Variants in DNAH11 observed in about 807,000 individuals in gnomAD.
DNAH11 encodes the protein axonemal beta dynein heavy chain 11.
DNAH11 carries 442 observed loss-of-function variants against 526.0 expected under a neutral mutation model. The observed-to-expected ratio is 0.84, with a 90% CI of 0.78 to 0.91. DNAH11 has a LOEUF of 0.91. Among genes scored for constraint, DNAH11 ranks in the 40% least tolerant of loss-of-function variants. DNAH11 has a pLI of 0.00. For synonymous variants in DNAH11, 2,461 were observed against 1,935.9 expected (o/e 1.27, Z -7.12); for missense variants, 6,989 against 5,448.7 (o/e 1.28, Z -8.90).
rs768789429 is a variant in DNAH11, at chr7:21,617,629, C to T, written c.4106C>T (p.Ser1369Leu). Residue 1369 changes from serine (S) to leucine (L), a missense_variant, in exon 23 of 82, where the codon TCA becomes TTA. Physicochemically the swap from Ser to Leu is moderately radical, Grantham distance 145. Coordinates refer to ENST00000409508, the MANE Select transcript of DNAH11 (RefSeq NM_001277115.2). The stretch of plus-strand genomic sequence containing the variant: ...TCCACTTTTCTTTAGGAAATTTGGT[C>T]ACTCAACAAGGAAGTCCGCGTCTGG... Reference protein sequence around the residue: ...ELRRFAKEIWSLNKEVRVWDA... With the variant: ...ELRRFAKEIWLLNKEVRVWDA... The T allele has an allele frequency of 1.5e-5, 25 of 1,613,564 alleles. No individual in the cohort carries two copies. The highest frequency in any genetic ancestry group is 2.0e-5 in the Non-Finnish European group (24 of 1,179,780).
At chr7:21,851,981 AG>A (rs1295387094) in intron 66 of DNAH11, among the ~76,000 whole-genome samples, 1 of 152,208 alleles carries the variant, frequency 6.6e-6, no homozygotes, top group Admixed American at 6.5e-5. Flanking sequence ...GAGTGCAACT[AG>A]ATCTTAACAT....
chr7:21,678,227 T>A (rs1782984427), intron 30 of DNAH11, among the ~76,000 whole-genome samples: 1 of 152,046 alleles, frequency 6.6e-6, no homozygotes, highest in Non-Finnish European at 1.5e-5. Flanking sequence ...AGTCTTTGAT[T>A]CATTTTGAGT....
At chr7:21,671,214 G>A (rs1385936231) in intron 30 of DNAH11, among the ~76,000 whole-genome samples, 1 of 152,142 alleles carries the variant, frequency 6.6e-6, no homozygotes, top group African/African-American at 2.4e-5. Context: ...TTGGAAGTTT[G>A]TATTTTTCAA....
In DNAH11 at chr7:21,711,860, C is replaced by T. The variant is rs745645801; in HGVS notation, c.6983C>T (p.Pro2328Leu). 5.2e-5 allele frequency: 84 copies of T among 1,607,864 alleles called. No homozygotes were observed. In the East Asian group the frequency reaches 1.7e-3, roughly 32 times the overall value. Residue 2328 changes from proline to leucine, a missense_variant and splice_region_variant, in exon 42 of 82, where the codon CCG becomes CTG. Coordinates refer to ENST00000409508, the MANE Select transcript of DNAH11 (RefSeq NM_001277115.2). ...YVNPQDLGWN[P>L]YVASWIDRRR... is the part of the protein sequence containing the mutation. ...AACCCACAAGATCTGGGCTGGAATC[C>T]GTGAGTATTTCTTTTTGTTTTATTG...
chr7:21,673,543 C>T (rs1013524188), intron 30 of DNAH11, among the ~76,000 whole-genome samples: 3 of 152,172 alleles, frequency 2.0e-5, no homozygotes, highest in African/African-American at 7.2e-5. Context: ...CTCCACTGCC[C>T]AGAGCATTTC....
At chr7:21,840,079 C>T (rs1228680608) in intron 65 of DNAH11, among the ~76,000 whole-genome samples, 1 of 152,172 alleles carries the variant, frequency 6.6e-6, no homozygotes, top group East Asian at 1.9e-4. Context: ...CACAAGAGAC[C>T]TAATCTCTGA....
chr7:21,857,421 A>T (rs12700314), intron 68 of DNAH11, among the ~76,000 whole-genome samples: 21 of 152,326 alleles, frequency 1.4e-4, no homozygotes, highest in Admixed American at 3.9e-4. Flanking sequence ...TTCAGTCCCA[A>T]TCAAAACACC....
At chr7:21,600,416 C>T (rs1785033434) in intron 15 of DNAH11, among the ~76,000 whole-genome samples, 1 of 151,990 alleles carries the variant, frequency 6.6e-6, no homozygotes, top group Non-Finnish European at 1.5e-5. Context: ...TATGATTAAG[C>T]CAGTGCACTC....
chr7:21,556,786 G>T (rs1408700422), intron 2 of DNAH11, among the ~76,000 whole-genome samples: 1 of 152,176 alleles, frequency 6.6e-6, no homozygotes, highest in Non-Finnish European at 1.5e-5. Context: ...GCATGGCCAG[G>T]TGCGGTGGCT....
chr7:21,801,113 A>C (rs1364724800), intron 61 of DNAH11, 24 bp from the exon 62 acceptor site: 19 of 1,587,610 alleles, frequency 1.2e-5, no homozygotes, highest in Non-Finnish European at 1.5e-5. Context: ...AAATGACTCA[A>C]AAGTTAATTC....
At chr7:21,574,083 T>C (rs761440317) in intron 8 of DNAH11, among the ~76,000 whole-genome samples, 1 of 152,210 alleles carries the variant, frequency 6.6e-6, no homozygotes, top group Non-Finnish European at 1.5e-5. Flanking sequence ...TTATTGAATG[T>C]TACTTTAGGT....
chr7:21,784,766 T>C (rs986181939), intron 58 of DNAH11, among the ~76,000 whole-genome samples: 1 of 152,192 alleles, frequency 6.6e-6, no homozygotes, highest in African/African-American at 2.4e-5. Context: ...CAATAAGCAG[T>C]CTCCTTTTGA....
chr7:21,807,510 A>T (rs1407184421), intron 62 of DNAH11, among the ~76,000 whole-genome samples: 1 of 152,174 alleles, frequency 6.6e-6, no homozygotes, highest in Admixed American at 6.5e-5. Context: ...TAAATAAATA[A>T]TCTTAACATC....
chr7:21,834,741 A>C (rs1781926329), intron 65 of DNAH11, among the ~76,000 whole-genome samples: 1 of 152,152 alleles, frequency 6.6e-6, no homozygotes, highest in Non-Finnish European at 1.5e-5. Flanking sequence ...AACTACCTGG[A>C]GGCCGAGGCA....
chr7:21,698,117 A>G lies in DNAH11; in HGVS notation c.6084A>G (p.Glu2028=). Reference sequence around the variant, plus strand: ...CCCCTGACATTGAGCTAATCTGTGAAATCTTGTTAGTTGCTGAAGGTTTTG... The same window carrying G: ...CCCCTGACATTGAGCTAATCTGTGAGATCTTGTTAGTTGCTGAAGGTTTTG... ...MVAPDIELIC[E]ILLVAEGFVD... Residue 2028 remains glutamate, a synonymous_variant, in exon 36 of 82, where the codon GAA becomes GAG. Transcript: ENST00000409508. The G allele has an allele frequency of 6.2e-7, 1 of 1,613,504 alleles. No homozygotes were observed. The highest frequency in any genetic ancestry group is 8.5e-7 in the Non-Finnish European group (1 of 1,179,702).
Position 21,622,320 on chromosome 7 carries a change from G to A in DNAH11, c.4500+2242G>A, listed in dbSNP as rs192263926. ...AACCACTGCTCAATGAAATAAAAGA[G>A]GATACAAAGAAATGGAAGAACGTTC... is the stretch of plus-strand genomic sequence containing the variant. On this transcript the variant is annotated intron_variant, in intron 25 of 81. Transcript: ENST00000409508. Among the ~76,000 whole-genome samples, 1,252 of 152,166 alleles carry A rather than the reference G, an allele frequency of 8.2e-3. 22 individuals carry two copies. The highest frequency in any genetic ancestry group is 0.028 in the African/African-American group (1,178 of 41,508).
intron 9 of DNAH11, 85 bp downstream of exon 9, chr7:21,582,106 T>C (rs1281564089): frequency 2.3e-6 from 2 of 856,136 alleles, no homozygotes; most frequent in Admixed American, 3.9e-5. Context: ...CTCATTCAGG[T>C]AGAGTATTCA....
intron 68 of DNAH11, 35 bp from the exon 69 acceptor site, chr7:21,861,818 T>G (rs72658805): frequency 6.8e-5 from 110 of 1,607,918 alleles, no homozygotes; most frequent in Admixed American, 6.8e-5. Context: ...CAGGCACCAG[T>G]TGTCACATTT....
At chr7:21,778,289 T>C (rs1166484509) in intron 56 of DNAH11, among the ~76,000 whole-genome samples, 1 of 152,190 alleles carries the variant, frequency 6.6e-6, no homozygotes, top group African/African-American at 2.4e-5. Flanking sequence ...ATGGGAGACG[T>C]GTATGCCTCT....
Sources: gnomAD v4.1 joint callset for allele counts (sites outside exome capture counted in the v4.1 genomes callset) on GRCh38, gnomAD v4.1.1 for gene constraint, MANE v1.5 for transcripts, NCBI Gene and HGNC (gene_info 2026-07-23, HGNC 2026-07-21) for gene names.